The following LYPLAL1 variants were observed in gnomAD, a reference collection of about 807,000 sequenced individuals.
The protein encoded by LYPLAL1 is lysophospholipase like 1, also known as lysophospholipase-like protein 1.
Under a neutral mutation model 19.7 loss-of-function variants are expected in LYPLAL1, and 23 were observed. That is an observed-to-expected ratio of 1.17 (90% confidence interval 0.84 to 1.65). LYPLAL1 has a LOEUF of 1.65. Ranked by LOEUF, LYPLAL1 falls within the 40% of genes most tolerant of loss-of-function variation. The probability of loss-of-function intolerance (pLI) is 0.00; values close to 1 mark genes in which losing one functional copy is unlikely to be tolerated. For missense variants in LYPLAL1, 355 were observed against 279.4 expected (o/e 1.27, Z -1.93); for synonymous variants, 119 against 96.3 (o/e 1.24, Z -1.38).
the LYPLAL1 span, among the ~76,000 whole-genome samples, chr1:219,234,492 T>A: frequency 6.6e-6 from 1 of 152,114 alleles, no homozygotes; most frequent in Admixed American, 6.5e-5. Flanking sequence ...TTCCCATACT[T>A]ATTTATGCAC....
the LYPLAL1 span, among the ~76,000 whole-genome samples, chr1:219,285,832 A>G: frequency 2.4e-4 from 37 of 152,184 alleles, no homozygotes; most frequent in Non-Finnish European, 3.7e-4. Context: ...AGTACTAAAT[A>G]TCACTGAATT....
At chr1:219,259,408 CATATATATAT>C in the LYPLAL1 span, among the ~76,000 whole-genome samples, 1 of 141,844 alleles carries the variant, frequency 7.1e-6, no homozygotes, top group East Asian at 2.0e-4. Context: ...GGTATATATA[CATATATATAT>C]ATATATATAT....
chr1:219,380,957 G>T, the LYPLAL1 span, among the ~76,000 whole-genome samples: 1 of 152,092 alleles, frequency 6.6e-6, no homozygotes, highest in Non-Finnish European at 1.5e-5. Flanking sequence ...CCCTTGCTCT[G>T]TATGACAAGA....
chr1:219,239,172 T>A, the LYPLAL1 span, among the ~76,000 whole-genome samples: 1 of 152,358 alleles, frequency 6.6e-6, no homozygotes, highest in Non-Finnish European at 1.5e-5. Context: ...TGTCAGGCAC[T>A]GTGCCAGGAA....
chr1:219,267,819 A>G, the LYPLAL1 span, among the ~76,000 whole-genome samples: 1,999 of 152,272 alleles, frequency 0.013, 39 homozygotes, highest in African/African-American at 0.046. Flanking sequence ...TATCATTCAG[A>G]GCTTCCAGCA....
the LYPLAL1 span, among the ~76,000 whole-genome samples, chr1:219,270,561 G>A: frequency 0.013 from 1,926 of 152,260 alleles, 47 homozygotes; most frequent in African/African-American, 0.043. Flanking sequence ...CACGGCTGGC[G>A]CCACATTGCC....
At chr1:219,220,963 G>C in the LYPLAL1 span, among the ~76,000 whole-genome samples, 1 of 152,138 alleles carries the variant, frequency 6.6e-6, no homozygotes, top group Non-Finnish European at 1.5e-5. Flanking sequence ...CCTAGGAGAC[G>C]TCACAGGGCA....
At chr1:219,374,590 A>T in the LYPLAL1 span, among the ~76,000 whole-genome samples, 2 of 151,948 alleles carry the variant, frequency 1.3e-5, no homozygotes, top group Non-Finnish European at 2.9e-5. Context: ...GACTATTTAC[A>T]TCCTCATTGT....
intron 1 of LYPLAL1, among the ~76,000 whole-genome samples, chr1:219,177,580 C>T (rs1655926789): frequency 6.6e-6 from 1 of 152,130 alleles, no homozygotes; most frequent in Non-Finnish European, 1.5e-5. Context: ...ATTGTTCACC[C>T]AGTTACTCCG....
chr1:219,186,781 T>C (rs1656759034), intron 2 of LYPLAL1, among the ~76,000 whole-genome samples: 1 of 151,678 alleles, frequency 6.6e-6, no homozygotes, highest in South Asian at 2.1e-4. Context: ...CAACACGTAG[T>C]TGGGCTTTGT....
the LYPLAL1 span, among the ~76,000 whole-genome samples, chr1:219,328,608 A>G: frequency 6.6e-6 from 1 of 152,192 alleles, no homozygotes; most frequent in Non-Finnish European, 1.5e-5. Context: ...ATAAATTATC[A>G]TATACACACG....
At chr1:219,380,370 G>A in the LYPLAL1 span, among the ~76,000 whole-genome samples, 31 of 152,358 alleles carry the variant, frequency 2.0e-4, no homozygotes, top group South Asian at 4.8e-3. Flanking sequence ...CACAGTTGGC[G>A]TAGCTTTACA....
At chr1:219,377,333 A>G in the LYPLAL1 span, among the ~76,000 whole-genome samples, 1 of 152,178 alleles carries the variant, frequency 6.6e-6, no homozygotes, top group Non-Finnish European at 1.5e-5. Flanking sequence ...GGGACTAGAG[A>G]GAGTGAGGAA....
chr1:219,262,849 C>G, the LYPLAL1 span, among the ~76,000 whole-genome samples: 3 of 152,188 alleles, frequency 2.0e-5, no homozygotes, highest in African/African-American at 4.8e-5. Flanking sequence ...TGGACAGAGT[C>G]AGGACCTCTG....
At chr1:219,244,337 T>G in the LYPLAL1 span, among the ~76,000 whole-genome samples, 1 of 152,182 alleles carries the variant, frequency 6.6e-6, no homozygotes, top group Non-Finnish European at 1.5e-5. Context: ...GTCTGGATGT[T>G]GGTCTGATAG....
chr1:219,261,275 T>C, the LYPLAL1 span, among the ~76,000 whole-genome samples: 3 of 152,200 alleles, frequency 2.0e-5, no homozygotes, highest in East Asian at 1.9e-4. Context: ...CTTTAAAATC[T>C]AAATCTCTCA....
At chr1:219,445,056 A>T in the LYPLAL1 span, among the ~76,000 whole-genome samples, 2 of 151,008 alleles carry the variant, frequency 1.3e-5, no homozygotes, top group Non-Finnish European at 2.9e-5. Flanking sequence ...GGAAAGAAAA[A>T]AATCCTGTGA....
At chr1:219,300,062 A>G in the LYPLAL1 span, among the ~76,000 whole-genome samples, 2 of 152,096 alleles carry the variant, frequency 1.3e-5, no homozygotes, top group African/African-American at 4.8e-5. Context: ...AACTGCACCC[A>G]TAGTCTCCTG....
At chr1:219,327,651 G>C in the LYPLAL1 span, among the ~76,000 whole-genome samples, 1 of 152,152 alleles carries the variant, frequency 6.6e-6, no homozygotes, top group South Asian at 2.1e-4. Context: ...TAGTTTGGCT[G>C]TGTCCCCACT....
Sources: gnomAD v4.1 joint callset for allele counts (sites outside exome capture counted in the v4.1 genomes callset) on GRCh38, gnomAD v4.1.1 for gene constraint, MANE v1.5 for transcripts, NCBI Gene and HGNC (gene_info 2026-07-23, HGNC 2026-07-21) for gene names.